The following TNIK variants were observed in gnomAD, a reference collection of about 807,000 sequenced individuals.
TNIK encodes TRAF2 and NCK-interacting protein kinase.
In TNIK, 49 loss-of-function variants were observed where a neutral mutation model predicts 191.3. That is an observed-to-expected ratio of 0.26 (90% CI 0.20 to 0.32). The LOEUF (loss-of-function observed/expected upper bound fraction) is 0.32. Ranked by LOEUF, TNIK falls within the 10% of genes least tolerant of loss-of-function variation. TNIK has a pLI of 1.00. For missense variants in TNIK, 1,155 were observed against 1,702.3 expected (o/e 0.68, Z 5.66); for synonymous variants, 594 against 600.9 (o/e 0.99, Z 0.17).
intron 15 of TNIK, among the ~76,000 whole-genome samples, chr3:171,135,547 G>T (rs575175089): frequency 6.6e-6 from 1 of 152,188 alleles, no homozygotes; most frequent in Admixed American, 6.5e-5. Context: ...AACAGACAAC[G>T]GTTAGTTGGA....
chr3:171,138,168 T>C, intron 15 of TNIK, 23 bp downstream of exon 15: 1 of 1,544,236 alleles, frequency 6.5e-7, no homozygotes, highest in Non-Finnish European at 8.7e-7. Flanking sequence ...GCCAACAGGG[T>C]GAGGCTACCC....
Position 171,123,591 on chromosome 3 carries a change from C to T in TNIK, c.2120+5G>A, listed in dbSNP as rs1728072189. ...TCTTTTACCATAACCACCTTCCTTT[C>T]TTACCTTGCTCTGATGGGTTGAGAT... On this transcript the variant is annotated splice_donor_5th_base_variant and intron_variant, in intron 18 of 32. Coordinates refer to ENST00000436636, the MANE Select transcript of TNIK (RefSeq NM_015028.4). The T allele has an allele frequency of 6.5e-7, 1 of 1,541,014 alleles. No individual in the cohort carries two copies. The highest frequency in any genetic ancestry group is 1.4e-5 in the African/African-American group (1 of 72,642).
intron 4 of TNIK, among the ~76,000 whole-genome samples, chr3:171,195,574 T>G (rs1202364691): frequency 6.6e-6 from 1 of 150,592 alleles, no homozygotes; most frequent in Non-Finnish European, 1.5e-5. Context: ...ATCAGCACTA[T>G]GTTTCCAGGT....
At position 171,403,632 on chromosome 3, in the gene TNIK, A is replaced by T. The variant is rs1169310422; in HGVS notation, c.58-33947T>A. Among the ~76,000 whole-genome samples the T allele has an allele frequency of 6.9e-5, 10 of 144,240 alleles. No homozygotes were observed. The East Asian group carries it at 1.8e-3, about 25-fold the overall frequency. 94.6% of individuals were successfully genotyped at this position (144,240 alleles called of 152,430 possible). On this transcript the variant is annotated intron_variant, in intron 1 of 32. Transcript: ENST00000436636. ...GTATCAAAAAAAAAAAAAAAAAAAA[A>T]AGAAAAGAAAAGGGGGTGAATAGAA...
chr3:171,324,219 T>C (rs1365475919), intron 2 of TNIK, among the ~76,000 whole-genome samples: 1 of 152,072 alleles, frequency 6.6e-6, no homozygotes, highest in Non-Finnish European at 1.5e-5. Context: ...AGCATTTGGG[T>C]AAAGCTCTAG....
intron 1 of TNIK, among the ~76,000 whole-genome samples, chr3:171,383,749 G>A (rs191343290): frequency 1.3e-5 from 2 of 152,278 alleles, no homozygotes; most frequent in East Asian, 1.9e-4. Flanking sequence ...GTCATCTTGG[G>A]GTAATTCTGT....
intron 2 of TNIK, among the ~76,000 whole-genome samples, chr3:171,229,319 A>C (rs1743332477): frequency 6.6e-6 from 1 of 152,242 alleles, no homozygotes; most frequent in Non-Finnish European, 1.5e-5. Context: ...AAAGGCAAGG[A>C]CCATGTCTCA....
chr3:171,445,233 C>A (rs1229830691), intron 1 of TNIK, among the ~76,000 whole-genome samples: 3 of 151,902 alleles, frequency 2.0e-5, no homozygotes, highest in Non-Finnish European at 4.4e-5. Flanking sequence ...AATCCGAGAT[C>A]ACGTAGGAAA....
chr3:171,395,632 T>C (rs1720123240), intron 1 of TNIK, among the ~76,000 whole-genome samples: 1 of 152,198 alleles, frequency 6.6e-6, no homozygotes, highest in Non-Finnish European at 1.5e-5. Context: ...TTGAAAACTG[T>C]ATATTGAAAA....
intron 1 of TNIK, among the ~76,000 whole-genome samples, chr3:171,450,069 A>C (rs1245990583): frequency 6.6e-6 from 1 of 152,172 alleles, no homozygotes; most frequent in Non-Finnish European, 1.5e-5. Context: ...AATTTTTAAC[A>C]ACTCAGCAGG....
intron 1 of TNIK, among the ~76,000 whole-genome samples, chr3:171,388,722 C>T (rs1216948026): frequency 2.0e-5 from 3 of 152,308 alleles, no homozygotes; most frequent in South Asian, 2.1e-4. Context: ...GAGTAAGCAT[C>T]GTGTACACAA....
chr3:171,367,866 C>T (rs1715961970), intron 2 of TNIK, among the ~76,000 whole-genome samples: 1 of 152,160 alleles, frequency 6.6e-6, no homozygotes, highest in South Asian at 2.1e-4. Flanking sequence ...GAGAGCAAAT[C>T]TCCTGTCCCA....
chr3:171,414,966 G>C (rs1722868152), intron 1 of TNIK, among the ~76,000 whole-genome samples: 1 of 152,180 alleles, frequency 6.6e-6, no homozygotes, highest in Non-Finnish European at 1.5e-5. Flanking sequence ...GGGATTCCTT[G>C]ATACCAGACT....
At chr3:171,318,430 T>C (rs1754859959) in intron 2 of TNIK, among the ~76,000 whole-genome samples, 1 of 152,164 alleles carries the variant, frequency 6.6e-6, no homozygotes, top group East Asian at 1.9e-4. Flanking sequence ...GAGAATAAGC[T>C]TGGTTGGCCC....
intron 1 of TNIK, among the ~76,000 whole-genome samples, chr3:171,375,295 CA>C (rs1294032092): frequency 6.6e-5 from 10 of 152,098 alleles, no homozygotes; most frequent in African/African-American, 2.4e-4. Flanking sequence ...GAATATGCCA[CA>C]GTAAAATTCA....
chr3:171,101,344 G>T, intron 22 of TNIK, 105 bp downstream of exon 22: 1 of 1,285,118 alleles, frequency 7.8e-7, no homozygotes, highest in Non-Finnish European at 1.1e-6. Flanking sequence ...AATTTATCTT[G>T]CCACAGACCC....
intron 2 of TNIK, chr3:171,347,221 GAAAAAAA>G: frequency 7.1e-7 from 1 of 1,417,898 alleles, no homozygotes. Context: ...TTCATTTGCT[GAAAAAAA>G]AAAAAAAAGA....
chr3:171,178,088 GT>G (rs1173546719), intron 7 of TNIK, among the ~76,000 whole-genome samples: 1 of 152,190 alleles, frequency 6.6e-6, no homozygotes, highest in Non-Finnish European at 1.5e-5. Flanking sequence ...ACATATCACT[GT>G]TTTTGCATTT....
intron 1 of TNIK, among the ~76,000 whole-genome samples, chr3:171,384,292 C>T (rs563689388): frequency 2.0e-5 from 3 of 152,326 alleles, no homozygotes; most frequent in Non-Finnish European, 4.4e-5. Context: ...TTGAATAAGG[C>T]TTTACCACTT....
Sources: gnomAD v4.1 joint callset for allele counts (sites outside exome capture counted in the v4.1 genomes callset) on GRCh38, gnomAD v4.1.1 for gene constraint, MANE v1.5 for transcripts, NCBI Gene and HGNC (gene_info 2026-07-23, HGNC 2026-07-21) for gene names.